The following OR2L13 variants were observed in gnomAD, a reference collection of about 807,000 sequenced individuals.
OR2L13 encodes olfactory receptor 2L13.
OR2L13 carries 14 observed loss-of-function variants against 15.3 expected under a neutral mutation model. The observed-to-expected ratio is 0.91, with a 90% CI of 0.60 to 1.43. OR2L13 has a LOEUF of 1.43. Among genes scored for constraint, OR2L13 ranks in the 40% most tolerant of loss-of-function variants. The pLI is 0.00. For synonymous variants in OR2L13, 152 were observed against 142.9 expected (o/e 1.06, Z -0.45); for missense variants, 367 against 387.9 (o/e 0.95, Z 0.45).
the OR2L13 span, among the ~76,000 whole-genome samples, chr1:248,006,314 T>C: frequency 6.6e-6 from 1 of 151,480 alleles, no homozygotes; most frequent in Non-Finnish European, 1.5e-5. Context: ...CCAGGCCAGT[T>C]GTCTCATGTG....
chr1:247,953,351 C>A, the OR2L13 span, among the ~76,000 whole-genome samples: 1 of 152,136 alleles, frequency 6.6e-6, no homozygotes, highest in African/African-American at 2.4e-5. Flanking sequence ...CTAGGAGATG[C>A]AAATTTTATA....
the OR2L13 span, chr1:247,939,225 C>T: frequency 3.9e-5 from 6 of 152,164 alleles, no homozygotes; most frequent in South Asian, 4.1e-4. Flanking sequence ...CTTATATCTA[C>T]ATCAGATTCT....
At chr1:248,044,928 C>T in the OR2L13 span, among the ~76,000 whole-genome samples, 1 of 150,864 alleles carries the variant, frequency 6.6e-6, no homozygotes, top group South Asian at 2.1e-4. Context: ...ACTTTCTCTG[C>T]TGCAACTCCC....
chr1:247,975,324 C>T, the OR2L13 span: 2 of 508,154 alleles, frequency 3.9e-6, no homozygotes, highest in African/African-American at 2.0e-5. Context: ...TGTTTTTGAG[C>T]ACAACCCTCT....
At chr1:248,073,396 T>C in the OR2L13 span, among the ~76,000 whole-genome samples, 6 of 151,946 alleles carry the variant, frequency 3.9e-5, no homozygotes, top group East Asian at 1.2e-3. Context: ...AAATACCACA[T>C]GTTCTCACTC....
At chr1:248,069,544 T>A in the OR2L13 span, among the ~76,000 whole-genome samples, 1 of 152,132 alleles carries the variant, frequency 6.6e-6, no homozygotes, top group Non-Finnish European at 1.5e-5. Flanking sequence ...AGACCATCGA[T>A]GCTAGGAAGA....
the OR2L13 span, chr1:248,022,556 C>G: frequency 4.3e-6 from 7 of 1,614,102 alleles, no homozygotes; most frequent in Non-Finnish European, 5.9e-6. Context: ...TGAGCAGCAC[C>G]ATCTTTCTTG....
chr1:247,975,337 C>A, the OR2L13 span: 1 of 531,656 alleles, frequency 1.9e-6, no homozygotes, highest in South Asian at 1.8e-5. Context: ...AACCCTCTTT[C>A]TCATGTTTAC....
chr1:248,006,241 ATATGTG>A, the OR2L13 span, among the ~76,000 whole-genome samples: 13 of 127,822 alleles, frequency 1.0e-4, no homozygotes, highest in Non-Finnish European at 1.7e-4. Flanking sequence ...ATATTGCAAG[ATATGTG>A]TGTGTGTGTG....
chr1:247,949,325 T>C, the OR2L13 span: 919,834 of 1,605,768 alleles, frequency 0.57, 250,585 homozygotes, highest in Non-Finnish European at 0.61. Context: ...TCAATGCTTG[T>C]GCTCACACTG....
chr1:248,032,343 A>G, the OR2L13 span, among the ~76,000 whole-genome samples: 4 of 152,012 alleles, frequency 2.6e-5, no homozygotes, highest in East Asian at 7.7e-4. Flanking sequence ...ATATTATCTC[A>G]TGTATTAAAT....
At chr1:248,028,461 T>G in the OR2L13 span, among the ~76,000 whole-genome samples, 2 of 152,252 alleles carry the variant, frequency 1.3e-5, no homozygotes, top group African/African-American at 4.8e-5. Context: ...GAATGGAGCT[T>G]CTTTATAAGT....
chr1:248,009,997 G>A, the OR2L13 span, among the ~76,000 whole-genome samples: 9 of 152,042 alleles, frequency 5.9e-5, no homozygotes, highest in Admixed American at 5.2e-4. Flanking sequence ...AATAAGCTAG[G>A]TGTTCACAGA....
chr1:248,061,721 G>A, the OR2L13 span: 9 of 1,083,884 alleles, frequency 8.3e-6, no homozygotes, highest in East Asian at 5.2e-5. Context: ...GGAGCTAAAA[G>A]TAATCAAGGT....
At chr1:247,975,975 T>G in the OR2L13 span, among the ~76,000 whole-genome samples, 1 of 151,328 alleles carries the variant, frequency 6.6e-6, no homozygotes, top group Admixed American at 6.6e-5. Context: ...GTCATTCATT[T>G]CTCATTATTA....
the OR2L13 span, chr1:248,021,877 C>G: frequency 8.0e-7 from 1 of 1,251,964 alleles, no homozygotes; most frequent in Non-Finnish European, 1.1e-6. Context: ...GCAACCCCTG[C>G]AGATAATGGG....
At chr1:247,949,551 G>T in the OR2L13 span, 1 of 1,614,100 alleles carries the variant, frequency 6.2e-7, no homozygotes, top group Non-Finnish European at 8.5e-7. Context: ...ATCTGCAGAA[G>T]GGAGGAAGAA....
At chr1:248,095,300 C>T (rs757889757), upstream of OR2L13, 1 of 152,144 alleles carries the variant, frequency 6.6e-6, no homozygotes, top group Non-Finnish European at 1.5e-5. Context: ...CATATGCAAA[C>T]AGGATAATAT....
chr1:248,041,657 T>G, the OR2L13 span: 1 of 151,812 alleles, frequency 6.6e-6, no homozygotes, highest in Admixed American at 6.6e-5. Flanking sequence ...TCAAACAAAC[T>G]TACAAGAAAA....
Sources: allele counts gnomAD v4.1 joint callset (sites outside exome capture counted in the v4.1 genomes callset), GRCh38; gene constraint gnomAD v4.1.1; transcripts MANE v1.5; gene names NCBI Gene and HGNC (gene_info 2026-07-23, HGNC 2026-07-21).